ARHGAP15: variants seen among roughly 807,000 people sequenced by gnomAD.
ARHGAP15 encodes the protein rho GTPase-activating protein 15.
Under a neutral mutation model 63.7 loss-of-function variants are expected in ARHGAP15, and 51 were observed. That is an observed-to-expected ratio of 0.80 (90% CI 0.64 to 1.01). The LOEUF is 1.01. Among genes scored for constraint, ARHGAP15 ranks in the 50% least tolerant of loss-of-function variants. ARHGAP15 has a pLI of 0.00. For synonymous variants in ARHGAP15, 191 were observed against 193.8 expected (o/e 0.99, Z 0.12); for missense variants, 560 against 564.6 (o/e 0.99, Z 0.08).
In ARHGAP15 at chr2:143,543,445, G is replaced by T. The variant is rs13027771; in HGVS notation, c.926-12963G>T. Among the ~76,000 whole-genome samples, 1,054 of 152,078 alleles carry T rather than the reference G, an allele frequency of 6.9e-3. 3 individuals carry two copies. The highest frequency in any genetic ancestry group is 0.014 in the Middle Eastern group (4 of 294). ...GTTGTTTGAGTACCTTATACATTCT[G>T]ATGTTAACATCCTGTCAAATGTATA... On this transcript the variant is annotated intron_variant, in intron 10 of 13. Coordinates refer to ENST00000295095, the MANE Select transcript of ARHGAP15 (RefSeq NM_018460.4).
At chr2:143,367,314 A>C (rs764015443) in intron 6 of ARHGAP15, among the ~76,000 whole-genome samples, 2 of 151,858 alleles carry the variant, frequency 1.3e-5, no homozygotes, top group Non-Finnish European at 2.9e-5. Flanking sequence ...TGCCCTTCCT[A>C]CAGTTGAAAA....
chr2:143,694,148 T>C (rs1683739718), intron 12 of ARHGAP15, among the ~76,000 whole-genome samples: 1 of 151,844 alleles, frequency 6.6e-6, no homozygotes, highest in Non-Finnish European at 1.5e-5. Flanking sequence ...CTTCAAAAAT[T>C]AAAGGCGTGA....
chr2:143,328,109 A>G (rs1310451871), intron 6 of ARHGAP15, among the ~76,000 whole-genome samples: 2 of 152,298 alleles, frequency 1.3e-5, no homozygotes, highest in African/African-American at 4.8e-5. Context: ...GCTGGAGAGG[A>G]TGTGGAGAAA....
intron 13 of ARHGAP15, chr2:143,706,365 T>A (rs1170646170): frequency 2.0e-5 from 3 of 152,198 alleles, no homozygotes; most frequent in African/African-American, 7.2e-5. Flanking sequence ...CGTCAACCCT[T>A]GTATGTAGTG....
intron 10 of ARHGAP15, among the ~76,000 whole-genome samples, chr2:143,540,597 G>T (rs1398967262): frequency 1.3e-5 from 2 of 152,110 alleles, no homozygotes; most frequent in Non-Finnish European, 2.9e-5. Flanking sequence ...CTCAGCATTT[G>T]CTTGTCTGTA....
intron 1 of ARHGAP15, among the ~76,000 whole-genome samples, chr2:143,144,008 C>T (rs1428455928): frequency 6.6e-6 from 1 of 152,014 alleles, no homozygotes. Flanking sequence ...TAAGTGAGAA[C>T]ATGCAGTATT....
intron 11 of ARHGAP15, chr2:143,601,709 C>A (rs1440091998): frequency 6.6e-6 from 1 of 152,132 alleles, no homozygotes; most frequent in South Asian, 2.1e-4. Flanking sequence ...AGGCTGCATT[C>A]TATTAGGGGT....
At chr2:143,555,324 A>G (rs1695739277) in intron 10 of ARHGAP15, among the ~76,000 whole-genome samples, 1 of 152,136 alleles carries the variant, frequency 6.6e-6, no homozygotes, top group South Asian at 2.1e-4. Flanking sequence ...CTACCAATCT[A>G]TTTAATACTG....
chr2:143,161,480 A>T (rs1308336917), intron 2 of ARHGAP15, among the ~76,000 whole-genome samples: 6 of 151,916 alleles, frequency 3.9e-5, no homozygotes, highest in Non-Finnish European at 8.8e-5. Context: ...TTATAGCTTT[A>T]GGAGTTCCGT....
intron 6 of ARHGAP15, among the ~76,000 whole-genome samples, chr2:143,289,261 C>T (rs1032156258): frequency 1.3e-5 from 2 of 152,140 alleles, no homozygotes; most frequent in African/African-American, 4.8e-5. Context: ...CAAATTGGAA[C>T]AAAGCTTCCC....
At chr2:143,374,701 C>T (rs1686725780) in intron 6 of ARHGAP15, among the ~76,000 whole-genome samples, 1 of 152,054 alleles carries the variant, frequency 6.6e-6, no homozygotes, top group Non-Finnish European at 1.5e-5. Context: ...TAGGGTCTCA[C>T]TGTGTTGTCC....
chr2:143,601,866 A>G (rs548891011), intron 11 of ARHGAP15, among the ~76,000 whole-genome samples: 31 of 152,322 alleles, frequency 2.0e-4, no homozygotes, highest in Non-Finnish European at 3.8e-4. Context: ...CTTAACAATG[A>G]ACATTGACTA....
chr2:143,708,489 C>T (rs1684429606), intron 13 of ARHGAP15, among the ~76,000 whole-genome samples: 1 of 152,128 alleles, frequency 6.6e-6, no homozygotes, highest in Non-Finnish European at 1.5e-5. Context: ...CAGCCAGTTT[C>T]CCAGAGTCCC....
chr2:143,711,251 C>T (rs1310908987), intron 13 of ARHGAP15, among the ~76,000 whole-genome samples: 1 of 152,200 alleles, frequency 6.6e-6, no homozygotes, highest in Non-Finnish European at 1.5e-5. Flanking sequence ...GATTCCTACC[C>T]TCACGTATCT....
chr2:143,655,831 CA>C (rs1029940367), intron 12 of ARHGAP15, among the ~76,000 whole-genome samples: 91 of 142,350 alleles, frequency 6.4e-4, no homozygotes, highest in Admixed American at 7.0e-4. Context: ...CAAGTGATGC[CA>C]AAAAAAAAAA....
intron 8 of ARHGAP15, among the ~76,000 whole-genome samples, chr2:143,468,085 A>G (rs1280523025): frequency 6.6e-6 from 1 of 152,064 alleles, no homozygotes; most frequent in African/African-American, 2.4e-5. Flanking sequence ...GCCTTGTTTG[A>G]TTGTGTATTA....
At chr2:143,337,039 C>T (rs1243105957) in intron 6 of ARHGAP15, among the ~76,000 whole-genome samples, 1 of 151,886 alleles carries the variant, frequency 6.6e-6, no homozygotes, top group African/African-American at 2.4e-5. Flanking sequence ...GGAGAGAAAC[C>T]TCCAAGACAT....
chr2:143,511,988 T>C (rs1054019003), intron 9 of ARHGAP15, among the ~76,000 whole-genome samples: 4 of 152,254 alleles, frequency 2.6e-5, no homozygotes, highest in Admixed American at 6.5e-5. Context: ...TGTTGTAGTC[T>C]ACATTCTTTC....
chr2:143,393,759 A>G (rs1019171392), intron 6 of ARHGAP15, among the ~76,000 whole-genome samples: 1 of 149,868 alleles, frequency 6.7e-6, no homozygotes, highest in Non-Finnish European at 1.5e-5. Context: ...AAAAAAGTGA[A>G]ATTTGGAGGA....
Sources: allele counts gnomAD v4.1 joint callset (sites outside exome capture counted in the v4.1 genomes callset), GRCh38; gene constraint gnomAD v4.1.1; transcripts MANE v1.5; gene names NCBI Gene and HGNC (gene_info 2026-07-23, HGNC 2026-07-21).